The following ZC3H11C variants were observed in gnomAD, a reference collection of about 807,000 sequenced individuals.
ZC3H11C encodes the protein zinc finger CCCH-type containing 11C.
chr6:65,304,407 A>C, the ZC3H11C span: 1 of 509,060 alleles, frequency 2.0e-6, no homozygotes, highest in South Asian at 1.9e-5. Context: ...GGGATTGCAG[A>C]CTCATTATTG....
At chr6:65,301,508 G>A in the ZC3H11C span, among the ~76,000 whole-genome samples, 1 of 152,200 alleles carries the variant, frequency 6.6e-6, no homozygotes, top group Non-Finnish European at 1.5e-5. Context: ...TGCTGCTGCT[G>A]GGAGGACGAC....
At chr6:65,302,758 CTG>C in the ZC3H11C span, 1 of 1,613,688 alleles carries the variant, frequency 6.2e-7, no homozygotes, top group Non-Finnish European at 8.5e-7. Context: ...AAAAATTAAA[CTG>C]CGCTTTCCAT....
the ZC3H11C span, chr6:65,302,801 T>G: frequency 6.2e-7 from 1 of 1,613,840 alleles, no homozygotes; most frequent in Non-Finnish European, 8.5e-7. Context: ...TGATGGCCTT[T>G]TCCTACCTCC....
chr6:65,305,380 C>A, the ZC3H11C span, among the ~76,000 whole-genome samples: 1 of 152,182 alleles, frequency 6.6e-6, no homozygotes, highest in East Asian at 1.9e-4. Context: ...ACAGCTGCTA[C>A]CATTAAGGAC....
chr6:65,306,440 A>G, the ZC3H11C span, among the ~76,000 whole-genome samples: 1 of 152,146 alleles, frequency 6.6e-6, no homozygotes, highest in Non-Finnish European at 1.5e-5. Context: ...TCTCCAAAGC[A>G]GGGGTAGAAT....
At chr6:65,302,944 A>G in the ZC3H11C span, 1 of 1,612,734 alleles carries the variant, frequency 6.2e-7, no homozygotes, top group South Asian at 1.1e-5. Context: ...TTATGAAAGT[A>G]GAAAGTTCCG....
chr6:65,304,241 GA>G, the ZC3H11C span: 1 of 575,104 alleles, frequency 1.7e-6, no homozygotes, highest in Non-Finnish European at 3.1e-6. Context: ...GCAGGAGAGG[GA>G]AAAATCAGTC....
At chr6:65,301,586 T>TCGGG in the ZC3H11C span, among the ~76,000 whole-genome samples, 1 of 152,234 alleles carries the variant, frequency 6.6e-6, no homozygotes, top group Non-Finnish European at 1.5e-5. Context: ...TGTCATCGGT[T>TCGGG]CGGGTCCCAC....
the ZC3H11C span, among the ~76,000 whole-genome samples, chr6:65,302,095 T>C: frequency 1.3e-5 from 2 of 152,374 alleles, no homozygotes; most frequent in East Asian, 3.9e-4. Flanking sequence ...TTAAATGAAC[T>C]CTTTTTTTTG....
the ZC3H11C span, chr6:65,302,376 T>A: frequency 1.5e-6 from 1 of 680,368 alleles, no homozygotes; most frequent in Non-Finnish European, 2.6e-6. Context: ...AATCAGCTAA[T>A]GATTACAGTT....
chr6:65,302,730 A>T, the ZC3H11C span: 4 of 1,605,210 alleles, frequency 2.5e-6, no homozygotes, highest in Admixed American at 1.7e-5. Flanking sequence ...TATTGGGAAA[A>T]TCAGCCAACA....
chr6:65,302,091 G>T, the ZC3H11C span, among the ~76,000 whole-genome samples: 2 of 152,196 alleles, frequency 1.3e-5, no homozygotes, highest in South Asian at 2.1e-4. Flanking sequence ...ATCTTTAAAT[G>T]AACTCTTTTT....
the ZC3H11C span, among the ~76,000 whole-genome samples, chr6:65,301,790 T>C: frequency 0.018 from 2,702 of 152,260 alleles, 12 homozygotes; most frequent in African/African-American, 0.062. Context: ...ACTCCCATAA[T>C]TGGTGCGGAT....
the ZC3H11C span, among the ~76,000 whole-genome samples, chr6:65,305,616 C>T: frequency 1.3e-5 from 2 of 152,178 alleles, no homozygotes; most frequent in South Asian, 4.1e-4. Context: ...TTTTAAAAGG[C>T]TTTAAAGTGC....
the ZC3H11C span, among the ~76,000 whole-genome samples, chr6:65,302,186 T>C: frequency 6.6e-6 from 1 of 152,122 alleles, no homozygotes; most frequent in Admixed American, 6.5e-5. Context: ...CTCCCAGTAG[T>C]TGGGAGATGT....
chr6:65,302,307 C>T, the ZC3H11C span, among the ~76,000 whole-genome samples: 1 of 152,088 alleles, frequency 6.6e-6, no homozygotes, highest in Admixed American at 6.5e-5. Flanking sequence ...AGTGTTGGTT[C>T]GACCTACAGG....
At chr6:65,301,854 G>A in the ZC3H11C span, among the ~76,000 whole-genome samples, 1 of 152,212 alleles carries the variant, frequency 6.6e-6, no homozygotes, top group African/African-American at 2.4e-5. Flanking sequence ...TCAAGGTTCT[G>A]GACCTTGAGA....
the ZC3H11C span, among the ~76,000 whole-genome samples, chr6:65,305,205 T>C: frequency 6.6e-6 from 1 of 151,834 alleles, no homozygotes; most frequent in African/African-American, 2.4e-5. Context: ...TGTCATACCC[T>C]TCTCTCCACA....
At chr6:65,302,379 T>C in the ZC3H11C span, 2,460 of 679,424 alleles carry the variant, frequency 3.6e-3, 22 homozygotes, top group African/African-American at 0.038. Flanking sequence ...CAGCTAATGA[T>C]TACAGTTTAA....
Sources: allele counts gnomAD v4.1 joint callset (sites outside exome capture counted in the v4.1 genomes callset), GRCh38; gene constraint gnomAD v4.1.1; transcripts MANE v1.5; gene names NCBI Gene and HGNC (gene_info 2026-07-23, HGNC 2026-07-21).